Variants in POU2F3 observed in about 807,000 individuals in gnomAD.
The protein encoded by POU2F3 is POU class 2 homeobox 3.
POU2F3 carries 23 observed loss-of-function variants against 59.2 expected under a neutral mutation model. The ratio of observed to expected loss-of-function variants is 0.39; its 90% CI spans 0.28 to 0.55. POU2F3 has a LOEUF of 0.55. Among genes scored for constraint, POU2F3 ranks in the 20% least tolerant of loss-of-function variants. POU2F3 has a pLI of 0.66. For missense variants in POU2F3, 473 were observed against 544.5 expected, an observed-to-expected ratio of 0.87 and a Z score of 1.31; for synonymous variants, 190 against 214.6, an observed-to-expected ratio of 0.89 and a Z score of 1.00.
intron 2 of POU2F3, among the ~76,000 whole-genome samples, chr11:120,262,951 C>CTTAT (rs1314203954): frequency 6.7e-5 from 10 of 148,776 alleles, no homozygotes; most frequent in Non-Finnish European, 1.3e-4. Context: ...CATTTCTTTT[C>CTTAT]TTATTTATTT....
chr11:120,240,141 G>C lies in POU2F3; in HGVS notation c.-203G>C, dbSNP rs1470239704. On this transcript the variant is annotated 5_prime_UTR_variant, in exon 1 of 13. Coordinates refer to ENST00000543440, the MANE Select transcript of POU2F3 (RefSeq NM_014352.4). Reference sequence around the variant, plus strand: ...CCCGCGCCGCGTGCTCACCTGGGGAGTGTGGCAATCCTGGCGGCGCCGAGT... The same window carrying C: ...CCCGCGCCGCGTGCTCACCTGGGGACTGTGGCAATCCTGGCGGCGCCGAGT... The C allele has an allele frequency of 2.5e-6, 3 of 1,191,240 alleles. No homozygotes were observed. The highest frequency in any genetic ancestry group is 3.1e-6 in the Non-Finnish European group (3 of 960,124). 73.8% of individuals were successfully genotyped at this position (1,191,240 alleles called of 1,614,324 possible).
intron 2 of POU2F3, among the ~76,000 whole-genome samples, chr11:120,253,906 T>C (rs953481801): frequency 6.6e-6 from 1 of 152,202 alleles, no homozygotes; most frequent in African/African-American, 2.4e-5. Flanking sequence ...TGGGGGATGA[T>C]GATGGGAGAC....
At chr11:120,302,250 A>C (rs775916807) in intron 5 of POU2F3, 36 bp from the exon 6 acceptor site, 65 of 1,526,524 alleles carry the variant, frequency 4.3e-5, no homozygotes, top group Non-Finnish European at 5.7e-5. Context: ...CCTGGATTTT[A>C]TTTGTCTGTT....
chr11:120,274,643 G>A (rs1200411468), intron 3 of POU2F3, among the ~76,000 whole-genome samples: 1 of 152,196 alleles, frequency 6.6e-6, no homozygotes, highest in African/African-American at 2.4e-5. Flanking sequence ...GGAGCCCAAT[G>A]CATGGCAAGA....
At chr11:120,283,074 G>T (rs1051668085) in intron 3 of POU2F3, among the ~76,000 whole-genome samples, 2 of 152,214 alleles carry the variant, frequency 1.3e-5, no homozygotes, top group Non-Finnish European at 2.9e-5. Flanking sequence ...AGCTGGACTT[G>T]GACTCTAAGG....
intron 3 of POU2F3, among the ~76,000 whole-genome samples, chr11:120,295,150 G>A (rs1024637338): frequency 6.6e-6 from 1 of 152,186 alleles, no homozygotes; most frequent in Non-Finnish European, 1.5e-5. Flanking sequence ...AGATGAAAGG[G>A]TGCGTTTTCT....
chr11:120,236,740 C>G, upstream of POU2F3: 1 of 1,445,580 alleles, frequency 6.9e-7, no homozygotes, highest in Non-Finnish European at 9.4e-7. Flanking sequence ...CATTCTAGCT[C>G]ATCTAACTGA....
At chr11:120,311,781 G>A (rs1356410306) in intron 10 of POU2F3, among the ~76,000 whole-genome samples, 3 of 152,194 alleles carry the variant, frequency 2.0e-5, no homozygotes, top group Non-Finnish European at 1.5e-5. Context: ...AATCCTGGGT[G>A]AGGAGGAACT....
At chr11:120,307,163 C>T (rs528520684) in intron 8 of POU2F3, among the ~76,000 whole-genome samples, 13 of 152,350 alleles carry the variant, frequency 8.5e-5, no homozygotes, top group Admixed American at 3.3e-4. Context: ...CATGTGTCAC[C>T]GATGCATGAG....
Position 120,299,196 on chromosome 11 carries a change from C to G in POU2F3, c.259-428C>G, listed in dbSNP as rs2135280959. Among the ~76,000 whole-genome samples, 3 of 152,346 alleles carry G rather than the reference C, an allele frequency of 2.0e-5. No homozygotes were observed. In the South Asian group the frequency reaches 6.2e-4, roughly 32 times the overall value. On this transcript the variant is annotated intron_variant, in intron 4 of 12. Coordinates refer to ENST00000543440, the MANE Select transcript of POU2F3 (RefSeq NM_014352.4). ...CCAGGAAAGATTCTGGCCCAGGAAA[C>G]AGCCGAGGCATGGCTTTTAGCATAA... is the stretch of plus-strand genomic sequence containing the variant.
At chr11:120,267,734 C>T (rs1472166948) in intron 2 of POU2F3, among the ~76,000 whole-genome samples, 2 of 149,644 alleles carry the variant, frequency 1.3e-5, no homozygotes, top group Non-Finnish European at 1.5e-5. Flanking sequence ...ATTTTGTGGC[C>T]ACTGAGGACA....
intron 3 of POU2F3, among the ~76,000 whole-genome samples, chr11:120,272,783 C>T (rs1194512846): frequency 6.6e-6 from 1 of 152,198 alleles, no homozygotes; most frequent in Non-Finnish European, 1.5e-5. Flanking sequence ...CCTCCATCCC[C>T]AGGACAGATA....
At chr11:120,313,912 A>G (rs1372156117) in intron 10 of POU2F3, among the ~76,000 whole-genome samples, 1 of 152,092 alleles carries the variant, frequency 6.6e-6, no homozygotes, top group East Asian at 1.9e-4. Flanking sequence ...TACTCGGGAG[A>G]TTGAGACAAA....
chr11:120,244,791 G>C (rs1282977194), intron 1 of POU2F3, among the ~76,000 whole-genome samples: 1 of 152,214 alleles, frequency 6.6e-6, no homozygotes, highest in Non-Finnish European at 1.5e-5. Flanking sequence ...CATTGGAACA[G>C]AAGGCCAGTG....
intron 2 of POU2F3, chr11:120,258,938 G>C (rs1055283915): frequency 5.9e-5 from 9 of 152,166 alleles, no homozygotes; most frequent in African/African-American, 2.2e-4. Flanking sequence ...AAGAAATGTG[G>C]GTTGTATTTC....
At chr11:120,294,647 G>A in intron 3 of POU2F3, among the ~76,000 whole-genome samples, 1 of 152,176 alleles carries the variant, frequency 6.6e-6, no homozygotes, top group East Asian at 1.9e-4. Context: ...GTAAATTCAG[G>A]AAGGCTTTAT....
intron 2 of POU2F3, among the ~76,000 whole-genome samples, chr11:120,258,313 G>C (rs1213810493): frequency 6.6e-6 from 1 of 152,142 alleles, no homozygotes; most frequent in African/African-American, 2.4e-5. Context: ...GGCAAGGCTG[G>C]GGTAAGGCTG....
At chr11:120,266,229 C>A (rs1319011346) in intron 2 of POU2F3, among the ~76,000 whole-genome samples, 1 of 152,128 alleles carries the variant, frequency 6.6e-6, no homozygotes, top group African/African-American at 2.4e-5. Context: ...TCCTGGATTC[C>A]TTTCTTTCCT....
chr11:120,308,883 G>A (rs907015845), intron 9 of POU2F3, among the ~76,000 whole-genome samples: 43 of 142,720 alleles, frequency 3.0e-4, no homozygotes, highest in Admixed American at 5.8e-4. Flanking sequence ...AGGTTGCAGT[G>A]AGCGGAGATC....
Sources: gnomAD v4.1 joint callset for allele counts (sites outside exome capture counted in the v4.1 genomes callset) on GRCh38, gnomAD v4.1.1 for gene constraint, MANE v1.5 for transcripts, NCBI Gene and HGNC (gene_info 2026-07-23, HGNC 2026-07-21) for gene names.